The following C1orf21 variants were observed in gnomAD, a reference collection of about 807,000 sequenced individuals.
C1orf21 encodes the protein chromosome 1 open reading frame 21.
C1orf21 carries 3 observed loss-of-function variants against 18.7 expected under a neutral mutation model. That is an observed-to-expected ratio of 0.16 (90% CI 0.07 to 0.42). The LOEUF (loss-of-function observed/expected upper bound fraction) is 0.42, where lower values mean the gene tolerates loss of function less well. Among genes scored for constraint, C1orf21 ranks in the 10% least tolerant of loss-of-function variants. The probability of loss-of-function intolerance (pLI) is 0.99; values close to 1 mark genes in which losing one functional copy is unlikely to be tolerated. For synonymous variants in C1orf21, 41 were observed against 46.4 expected (o/e 0.88, Z 0.47); for missense variants, 104 against 143.6 (o/e 0.72, Z 1.41).
intron 1 of C1orf21, among the ~76,000 whole-genome samples, chr1:184,396,189 C>T (rs1656048078): frequency 6.6e-6 from 1 of 152,066 alleles, no homozygotes; most frequent in Non-Finnish European, 1.5e-5. Flanking sequence ...ACTTTTTGCC[C>T]ACAATATAAG....
chr1:184,475,753 G>A, intron 1 of C1orf21, among the ~76,000 whole-genome samples: 1 of 150,974 alleles, frequency 6.6e-6, no homozygotes, highest in East Asian at 1.9e-4. Flanking sequence ...GTGTGTGTGT[G>A]TGTGTGTGTG....
intron 3 of C1orf21, among the ~76,000 whole-genome samples, chr1:184,534,461 G>C (rs1658516547): frequency 1.3e-5 from 2 of 152,100 alleles, no homozygotes; most frequent in South Asian, 4.2e-4. Context: ...CTCTCACAGG[G>C]CTTTTCTGCA....
chr1:184,579,379 GTTTTTTTTTT>G (rs201010891), intron 3 of C1orf21, among the ~76,000 whole-genome samples: 2 of 71,444 alleles, frequency 2.8e-5, no homozygotes, highest in Non-Finnish European at 5.1e-5. Flanking sequence ...TATAAGCTGG[GTTTTTTTTTT>G]TTTTTTTTTT....
chr1:184,597,533 C>A (rs1248889124), intron 4 of C1orf21, among the ~76,000 whole-genome samples: 2 of 152,136 alleles, frequency 1.3e-5, no homozygotes, highest in Non-Finnish European at 2.9e-5. Context: ...ACAGGACAAC[C>A]AGTAGGCACT....
At chr1:184,547,216 A>G (rs1658739947) in intron 3 of C1orf21, among the ~76,000 whole-genome samples, 1 of 152,150 alleles carries the variant, frequency 6.6e-6, no homozygotes, top group Admixed American at 6.6e-5. Context: ...GCAGGGCAGG[A>G]CCTCTGAGGA....
intron 5 of C1orf21, among the ~76,000 whole-genome samples, chr1:184,606,759 G>A (rs965834825): frequency 6.6e-6 from 1 of 152,170 alleles, no homozygotes; most frequent in African/African-American, 2.4e-5. Flanking sequence ...GCCATGAGAG[G>A]CACATAATGA....
chr1:184,397,320 C>A (rs938394447), intron 1 of C1orf21, among the ~76,000 whole-genome samples: 1 of 152,220 alleles, frequency 6.6e-6, no homozygotes, highest in South Asian at 2.1e-4. Context: ...GGCACAGTGG[C>A]TCACGCCTGT....
At chr1:184,477,295 AG>A in intron 1 of C1orf21, 90 bp from the exon 2 acceptor site, 1 of 523,080 alleles carries the variant, frequency 1.9e-6, no homozygotes, top group Non-Finnish European at 3.4e-6. Context: ...CATGACTTCT[AG>A]TATACTGCAG....
At chr1:184,450,246 A>C (rs1421189102) in intron 1 of C1orf21, among the ~76,000 whole-genome samples, 3 of 152,040 alleles carry the variant, frequency 2.0e-5, no homozygotes, top group Non-Finnish European at 4.4e-5. Context: ...GGTGGAGAGC[A>C]CGCCACCACA....
chr1:184,565,835 A>G (rs1182092238), intron 3 of C1orf21, among the ~76,000 whole-genome samples: 1 of 152,262 alleles, frequency 6.6e-6, no homozygotes, highest in Non-Finnish European at 1.5e-5. Flanking sequence ...AATAGATTAC[A>G]TGGCCAATTG....
chr1:184,394,715 A>G (rs1301208349), intron 1 of C1orf21, among the ~76,000 whole-genome samples: 1 of 152,164 alleles, frequency 6.6e-6, no homozygotes, highest in Non-Finnish European at 1.5e-5. Flanking sequence ...GTTCTATCTC[A>G]AAGTTCTGCC....
chr1:184,476,520 A>T (rs2101990170), intron 1 of C1orf21, among the ~76,000 whole-genome samples: 1 of 152,348 alleles, frequency 6.6e-6, no homozygotes, highest in Middle Eastern at 3.4e-3. Context: ...TGAGCAGAGC[A>T]AACACTCAGA....
intron 1 of C1orf21, among the ~76,000 whole-genome samples, chr1:184,461,219 C>G (rs1015898714): frequency 6.6e-6 from 1 of 152,214 alleles, no homozygotes. Flanking sequence ...CCTCCACACA[C>G]TCTGTCTTTG....
chr1:184,500,105 T>C (rs1177716641), intron 2 of C1orf21, among the ~76,000 whole-genome samples: 1 of 152,176 alleles, frequency 6.6e-6, no homozygotes, highest in Non-Finnish European at 1.5e-5. Context: ...ATTCTGTTCC[T>C]TGATTGGGAA....
intron 1 of C1orf21, among the ~76,000 whole-genome samples, chr1:184,459,859 G>A (rs1416685295): frequency 6.6e-6 from 1 of 152,154 alleles, no homozygotes; most frequent in Admixed American, 6.5e-5. Context: ...ACCTAGCAGG[G>A]AGGGCATCCC....
intron 5 of C1orf21, among the ~76,000 whole-genome samples, chr1:184,617,391 G>A (rs1258210770): frequency 6.6e-6 from 1 of 152,180 alleles, no homozygotes; most frequent in Non-Finnish European, 1.5e-5. Flanking sequence ...CGTGAGTTGG[G>A]GATCTGTGGA....
rs531825675 is a variant in C1orf21 at position 184,521,034 on chromosome 1, C to T, written c.189+13352C>T. On this transcript the variant is annotated intron_variant, in intron 3 of 5. Transcript: ENST00000235307. ...TCAGCCTCCCGAGTAGCTGGGATTA[C>T]AGGCATACGCCACTATGTGTGGCTA... is the stretch of plus-strand genomic sequence containing the variant. 3.9e-5 allele frequency among the ~76,000 whole-genome samples: 6 copies of T among 152,242 alleles called. No individual in the cohort carries two copies. In the South Asian group the frequency reaches 8.3e-4, roughly 21 times the overall value.
chr1:184,451,462 ATTTTTTTTT>A (rs374550435), intron 1 of C1orf21, among the ~76,000 whole-genome samples: 2 of 77,794 alleles, frequency 2.6e-5, no homozygotes, highest in Non-Finnish European at 5.2e-5. Context: ...GGCTAATTTA[ATTTTTTTTT>A]TTTTTTTTTT....
chr1:184,535,293 G>A (rs1185538610), intron 3 of C1orf21, among the ~76,000 whole-genome samples: 1 of 152,158 alleles, frequency 6.6e-6, no homozygotes, highest in Non-Finnish European at 1.5e-5. Context: ...GATGGTTTTA[G>A]TTGTCCTGTG....
Sources: allele counts gnomAD v4.1 joint callset (sites outside exome capture counted in the v4.1 genomes callset), GRCh38; gene constraint gnomAD v4.1.1; transcripts MANE v1.5; gene names NCBI Gene and HGNC (gene_info 2026-07-23, HGNC 2026-07-21).